USP34: variants seen among roughly 807,000 people sequenced by gnomAD.
USP34 encodes the protein ubiquitin specific peptidase 34, also known as ubiquitin carboxyl-terminal hydrolase 34.
In USP34, 70 loss-of-function variants were observed where a neutral mutation model predicts 460.3. The ratio of observed to expected loss-of-function variants is 0.15; its 90% CI spans 0.13 to 0.19. The LOEUF (loss-of-function observed/expected upper bound fraction) is 0.19, where lower values mean the gene tolerates loss of function less well. Among genes scored for constraint, USP34 ranks in the 10% least tolerant of loss-of-function variants. USP34 has a pLI of 1.00. For synonymous variants in USP34, 1,647 were observed against 1,405.3 expected (o/e 1.17, Z -3.85); for missense variants, 3,985 against 4,236.2 (o/e 0.94, Z 1.65).
intron 3 of USP34, among the ~76,000 whole-genome samples, chr2:61,399,593 C>T (rs1215987187): frequency 2.0e-5 from 3 of 151,930 alleles, no homozygotes; most frequent in African/African-American, 7.3e-5. Context: ...TTAACGGTCC[C>T]GGGCGCGGTG....
intron 78 of USP34, 147 bp from the exon 79 acceptor site, chr2:61,189,216 A>C: frequency 1.2e-6 from 1 of 832,182 alleles, no homozygotes; most frequent in Non-Finnish European, 1.8e-6. Context: ...AGAATGATAA[A>C]ACCAGAAAGC....
At position 61,257,194 on chromosome 2, in the gene USP34, T is replaced by C. The variant is rs748249700; in HGVS notation, c.5991+10A>G. 3.8e-6 allele frequency: 6 copies of C among 1,597,952 alleles called. No homozygotes were observed. The highest frequency in any genetic ancestry group is 1.8e-5 in the Admixed American group (1 of 56,046). The stretch of plus-strand genomic sequence containing the variant: ...ATTTCAAAGAAACTTTTCAGTATTC[T>C]GATACTAACCAGTTCGGGAGACATT... On this transcript the variant is annotated intron_variant, in intron 45 of 79. Transcript: ENST00000398571.
chr2:61,374,110 C>A (rs566849076), intron 8 of USP34, among the ~76,000 whole-genome samples: 1 of 147,580 alleles, frequency 6.8e-6, no homozygotes, highest in Non-Finnish European at 1.5e-5. Context: ...GAGCCGAGAT[C>A]GTGCCATTGC....
rs573482176 is a variant in USP34 at position 61,233,478 on chromosome 2, T to A, written c.7033-946A>T. Among the ~76,000 whole-genome samples, 222 of 151,674 alleles carry A rather than the reference T, an allele frequency of 1.5e-3. 1 individual carries two copies. Among genetic ancestry groups the A allele is most frequent in the African/African-American group, 5.0e-3 (208 of 41,400 alleles). ...CTCATTTAAACCAATCAACTGAAAA[T>A]TTTTTTTTGAGATGGAGAAAACTGA... On this transcript the variant is annotated intron_variant, in intron 57 of 79. Coordinates refer to ENST00000398571, the MANE Select transcript of USP34 (RefSeq NM_014709.4).
intron 34 of USP34, 83 bp downstream of exon 34, chr2:61,288,594 T>C (rs1014908011): frequency 7.1e-6 from 10 of 1,410,740 alleles, no homozygotes; most frequent in South Asian, 5.9e-5. Flanking sequence ...TAATCTAGAA[T>C]ACATTTCTTA....
rs368689083 is a variant in USP34, at chr2:61,206,074, T to C, written c.9097A>G (p.Lys3033Glu). The C allele has an allele frequency of 1.2e-6, 2 of 1,613,746 alleles. No individual in the cohort carries two copies. Among genetic ancestry groups the C allele is most frequent in the South Asian group, 1.1e-5 (1 of 91,072 alleles). ...QWQERIEFAH[K>E]LLTLLNSYSP... is the part of the protein sequence containing the mutation. The stretch of plus-strand genomic sequence containing the variant: ...TAGGAATTAAGAAGAGTTAACAGTT[T>C]ATGGGCAAATTCAATTCGCTCCTGC... Residue 3033 changes from lysine to glutamate, a missense_variant, in exon 72 of 80, where the codon AAA becomes GAA. By Grantham distance (56) the Lys-to-Glu change is moderately conservative. This residue lies in a region of USP34 where 275 missense variants were observed against 292.7 expected (regional missense o/e 0.94). Transcript: ENST00000398571.
chr2:61,378,419 T>C lies in USP34; in HGVS notation c.1020A>G (p.Gln340=). 1.3e-6 allele frequency: 2 copies of C among 1,587,050 alleles called. No individual in the cohort carries two copies. The highest frequency in any genetic ancestry group is 1.7e-6 in the Non-Finnish European group (2 of 1,171,666). ...TGCACACATCATTGAAGGTATGGAG[T>C]TGATTCTATGATTAAAGACAAGAAA... is the stretch of plus-strand genomic sequence containing the variant. ...RLAGLSQITN[Q]LHTFNDVCNN... is the part of the protein sequence containing the mutation. Residue 340 remains glutamine (Q), a synonymous_variant, in exon 8 of 80, where the codon CAA becomes CAG. Transcript: ENST00000398571.
intron 19 of USP34, 122 bp from the exon 20 acceptor site, chr2:61,331,493 A>G (rs1558533955): frequency 1.6e-6 from 1 of 641,284 alleles, no homozygotes. Context: ...AGTTACGAAA[A>G]ATATACACGT....
intron 1 of USP34, among the ~76,000 whole-genome samples, chr2:61,460,894 A>G (rs1695578511): frequency 6.6e-6 from 1 of 151,768 alleles, no homozygotes; most frequent in South Asian, 2.1e-4. Context: ...GAGGCAGGAC[A>G]ATCACTTGAA....
chr2:61,334,223 T>A (rs1392618239), intron 18 of USP34, among the ~76,000 whole-genome samples: 1 of 152,122 alleles, frequency 6.6e-6, no homozygotes, highest in Non-Finnish European at 1.5e-5. Context: ...AAAAAGCAAG[T>A]GAAGAGCATT....
At chr2:61,205,415 G>A (rs1312661477) in intron 72 of USP34, among the ~76,000 whole-genome samples, 1 of 152,104 alleles carries the variant, frequency 6.6e-6, no homozygotes. Context: ...TAATTGCACA[G>A]AACGTCAAGA....
chr2:61,226,851 G>A (rs1305079203), intron 62 of USP34: 1 of 497,830 alleles, frequency 2.0e-6, no homozygotes, highest in East Asian at 3.7e-5. Context: ...CATAGATGAA[G>A]TAAAAGTTTG....
intron 1 of USP34, among the ~76,000 whole-genome samples, chr2:61,429,232 G>A (rs1182521995): frequency 1.3e-5 from 2 of 152,058 alleles, no homozygotes; most frequent in Non-Finnish European, 2.9e-5. Context: ...CGGATCACGA[G>A]GTCAGGAGAT....
chr2:61,464,777 A>G (rs1290496541), intron 1 of USP34, among the ~76,000 whole-genome samples: 1 of 152,046 alleles, frequency 6.6e-6, no homozygotes, highest in Non-Finnish European at 1.5e-5. Context: ...TTTCAGAGAA[A>G]TTTACCTTAC....
chr2:61,194,084 G>A (rs1686721976), intron 75 of USP34: 1 of 984,932 alleles, frequency 1.0e-6, no homozygotes, highest in Non-Finnish European at 1.2e-6. Context: ...CATGTGGGTT[G>A]TAATTTGCCA....
chr2:61,418,505 ATGT>A (rs2103967404), intron 2 of USP34, among the ~76,000 whole-genome samples: 1 of 152,290 alleles, frequency 6.6e-6, no homozygotes, highest in South Asian at 2.1e-4. Flanking sequence ...TATAAATAAC[ATGT>A]TGTATGAAAT....
intron 41 of USP34, among the ~76,000 whole-genome samples, chr2:61,268,018 T>C (rs1689103794): frequency 6.6e-6 from 1 of 152,086 alleles, no homozygotes; most frequent in African/African-American, 2.4e-5. Flanking sequence ...CCTCCCAAAG[T>C]GCTGGGATTA....
chr2:61,188,357 A>G lies in USP34; in HGVS notation c.10386T>C (p.Ala3462=), dbSNP rs14170. ...DLHCSKDSTL[A]EEESEFPSTS... ...TAGAAGGGAACTCAGATTCTTCCTC[A>G]GCTAGGGTAGAATCCTTGGAACAGT... Residue 3462 remains alanine (A), a synonymous_variant, in exon 80 of 80, where the codon GCT becomes GCC. Transcript: ENST00000398571. 748,472 of 1,613,356 alleles carry G rather than the reference A, an allele frequency of 0.46. 177,584 individuals are homozygous for G. Among genetic ancestry groups the G allele is most frequent in the Middle Eastern group, 0.53 (3,026 of 5,712 alleles).
At chr2:61,237,873 C>A (rs1429195454) in intron 53 of USP34, among the ~76,000 whole-genome samples, 1 of 151,426 alleles carries the variant, frequency 6.6e-6, no homozygotes, top group East Asian at 1.9e-4. Context: ...GCCCACCCTG[C>A]CCAGCCACCC....
Sources: gnomAD v4.1 joint callset for allele counts (sites outside exome capture counted in the v4.1 genomes callset) on GRCh38, gnomAD v4.1.1 for gene constraint, gnomAD v4.1.1 regional missense constraint, MANE v1.5 for transcripts, NCBI Gene and HGNC (gene_info 2026-07-23, HGNC 2026-07-21) for gene names.